The following EEF1AKMT1 variants were observed in gnomAD, a reference collection of about 807,000 sequenced individuals.
EEF1AKMT1 encodes the protein EEF1A lysine methyltransferase 1.
Under a neutral mutation model 21.0 loss-of-function variants are expected in EEF1AKMT1, and 18 were observed. The ratio of observed to expected loss-of-function variants is 0.86; its 90% confidence interval spans 0.59 to 1.27. The LOEUF is 1.27. Ranked by LOEUF, EEF1AKMT1 falls within the 50% of genes most tolerant of loss-of-function variation. The pLI, the probability that EEF1AKMT1 is intolerant of heterozygous loss-of-function variation, is 0.00. For synonymous variants in EEF1AKMT1, 109 were observed against 94.8 expected, an observed-to-expected ratio of 1.15 and a Z score of -0.87; for missense variants, 246 against 258.6, an observed-to-expected ratio of 0.95 and a Z score of 0.33.
chr13:20,771,442 T>C (rs768092608), intron 1 of EEF1AKMT1, among the ~76,000 whole-genome samples: 24 of 152,156 alleles, frequency 1.6e-4, no homozygotes, highest in Non-Finnish European at 3.2e-4. Context: ...TTGATAATCA[T>C]TTTCTACCCT....
intron 3 of EEF1AKMT1, among the ~76,000 whole-genome samples, chr13:20,737,440 A>C (rs896583541): frequency 6.6e-6 from 1 of 152,234 alleles, no homozygotes; most frequent in Admixed American, 6.5e-5. Context: ...TTAAAACTTC[A>C]AAAAGGTAAG....
At chr13:20,772,416 G>A (rs1296437370) in intron 1 of EEF1AKMT1, among the ~76,000 whole-genome samples, 3 of 152,146 alleles carry the variant, frequency 2.0e-5, no homozygotes, top group Non-Finnish European at 4.4e-5. Flanking sequence ...TTTGGTTGCC[G>A]TAAATGGGAA....
intron 4 of EEF1AKMT1, among the ~76,000 whole-genome samples, chr13:20,730,014 C>G (rs2058783243): frequency 1.3e-5 from 2 of 152,252 alleles, no homozygotes; most frequent in Non-Finnish European, 2.9e-5. Context: ...TGGGGGCCTC[C>G]TGCCCCGACT....
In EEF1AKMT1 at chr13:20,760,068, G is replaced by A. The variant is rs766205269; in HGVS notation, c.-19-2451C>T. ...TGCAGTGAGCTGAGATTGCGCCACTGCACCCCAGCCTGGGGAACAGAGCGA... is the reference window on the plus strand; with the variant it reads ...TGCAGTGAGCTGAGATTGCGCCACTACACCCCAGCCTGGGGAACAGAGCGA... On this transcript the variant is annotated intron_variant, in intron 1 of 4. Transcript: ENST00000382758. 4.9e-5 allele frequency among the ~76,000 whole-genome samples: 6 copies of A among 123,378 alleles called. No homozygotes were observed. The East Asian group carries it at 1.3e-3, about 27-fold the overall frequency. 80.9% of individuals were successfully genotyped at this position (123,378 alleles called of 152,430 possible). A position where few individuals can be genotyped will look rare whatever the true frequency, so the allele number is the denominator to read the frequency against.
intron 4 of EEF1AKMT1, among the ~76,000 whole-genome samples, chr13:20,730,872 G>C (rs1338529662): frequency 6.6e-6 from 1 of 152,176 alleles, no homozygotes; most frequent in Non-Finnish European, 1.5e-5. Flanking sequence ...TGGTGTGGAA[G>C]GTTTGTTTTT....
chr13:20,759,826 C>T (rs780647800), intron 1 of EEF1AKMT1, among the ~76,000 whole-genome samples: 6 of 152,014 alleles, frequency 3.9e-5, no homozygotes, highest in East Asian at 1.9e-4. Context: ...AAAAATAGGA[C>T]GGGCACAGTG....
At chr13:20,755,375 G>A (rs921265208) in intron 2 of EEF1AKMT1, among the ~76,000 whole-genome samples, 2 of 152,222 alleles carry the variant, frequency 1.3e-5, no homozygotes, top group African/African-American at 2.4e-5. Flanking sequence ...TCCCTATCTG[G>A]AGCAAAGCCA....
chr13:20,764,262 T>C (rs1006447828), intron 1 of EEF1AKMT1, among the ~76,000 whole-genome samples: 3 of 152,206 alleles, frequency 2.0e-5, no homozygotes, highest in African/African-American at 4.8e-5. Context: ...TTTTCACCCA[T>C]TTTCATTCAG....
chr13:20,750,429 T>A (rs1320380310), intron 2 of EEF1AKMT1, among the ~76,000 whole-genome samples: 3 of 152,162 alleles, frequency 2.0e-5, no homozygotes, highest in Admixed American at 6.5e-5. Context: ...CCTTCGCATA[T>A]AAGAACATGC....
At chr13:20,736,733 C>CTTTTTTTTTT (rs71087090) in intron 3 of EEF1AKMT1, among the ~76,000 whole-genome samples, 1 of 87,068 alleles carries the variant, frequency 1.1e-5, no homozygotes, top group African/African-American at 4.6e-5. Context: ...AACCATTTGA[C>CTTTTTTTTTT]TTTTTTTTTT....
At chr13:20,736,993 C>T in intron 3 of EEF1AKMT1, among the ~76,000 whole-genome samples, 1 of 151,636 alleles carries the variant, frequency 6.6e-6, no homozygotes, top group East Asian at 1.9e-4. Flanking sequence ...CTTGGCCTCC[C>T]AAAGTGCTGG....
chr13:20,757,585 T>C lies in EEF1AKMT1; in HGVS notation c.14A>G (p.Glu5Gly). 1 of 1,613,884 alleles carries C rather than the reference T, an allele frequency of 6.2e-7. No individual in the cohort carries two copies. The highest frequency in any genetic ancestry group is 8.5e-7 in the Non-Finnish European group (1 of 1,179,804). ...AGAAAGCTGGGGTGTCTCATCATCT[T>C]CCAAATCACTCATTTCACAAGTTGT... MSDL[E>G]DDETPQLSAH... Residue 5 changes from glutamate to glycine, a missense_variant, in exon 2 of 5, where the codon GAA becomes GGA. Physicochemically the swap from Glu to Gly is moderately conservative, Grantham distance 98. Coordinates refer to ENST00000382758, the MANE Select transcript of EEF1AKMT1 (RefSeq NM_001318939.2).
intron 2 of EEF1AKMT1, among the ~76,000 whole-genome samples, chr13:20,751,191 A>G (rs2058938186): frequency 6.6e-6 from 1 of 152,048 alleles, no homozygotes; most frequent in African/African-American, 2.4e-5. Context: ...ATAGAGTCCC[A>G]TTTGTCTATT....
In EEF1AKMT1 at chr13:20,732,119, A is replaced by T; in HGVS notation, c.230T>A (p.Ile77Asn). 1.9e-6 allele frequency: 3 copies of T among 1,605,470 alleles called. No homozygotes were observed. The highest frequency in any genetic ancestry group is 2.6e-6 in the Non-Finnish European group (3 of 1,176,118). ...AACACTAGGGGCACTCACACATGCG[A>T]TTCTAGGAGACAAAATGAACACACC... ...AIAAVGEGGR[I>N]ACVSAPSVYQ... is the part of the protein sequence containing the mutation. Residue 77 changes from isoleucine to asparagine, a missense_variant and splice_region_variant, in exon 4 of 5, where the codon ATC (isoleucine) becomes AAC (asparagine). Physicochemically the swap from Ile to Asn is moderately radical, Grantham distance 149. Transcript: ENST00000382758.
Position 20,728,782 on chromosome 13 carries a change from C to G in EEF1AKMT1, c.*298G>C, listed in dbSNP as rs553152016. The G allele has an allele frequency of 1.2e-3, 462 of 376,828 alleles. 2 individuals are homozygous for G. The highest frequency in any genetic ancestry group is 3.0e-3 in the Admixed American group (74 of 25,002). 23.3% of individuals were successfully genotyped at this position (376,828 alleles called of 1,614,324 possible). A position where few individuals can be genotyped will look rare whatever the true frequency, so the allele number is the denominator to read the frequency against. ...CCTGTCTCATTCAGGAGCCCTTGGG[C>G]AAGCCACACAACTGTTCTTCTGTTT... On this transcript the variant is annotated 3_prime_UTR_variant, in exon 5 of 5. Coordinates refer to ENST00000382758, the MANE Select transcript of EEF1AKMT1 (RefSeq NM_001318939.2).
chr13:20,759,266 G>A (rs1443556529), intron 1 of EEF1AKMT1, among the ~76,000 whole-genome samples: 1 of 152,208 alleles, frequency 6.6e-6, no homozygotes, highest in African/African-American at 2.4e-5. Flanking sequence ...CAACAAAGGA[G>A]TAATATGCAG....
chr13:20,744,063 T>G (rs1007608968), intron 2 of EEF1AKMT1, among the ~76,000 whole-genome samples: 5 of 152,330 alleles, frequency 3.3e-5, no homozygotes, highest in Admixed American at 2.0e-4. Flanking sequence ...CCATGGTATA[T>G]ATGTGCCACA....
chr13:20,760,733 A>G (rs1462040711), intron 1 of EEF1AKMT1, among the ~76,000 whole-genome samples: 2 of 152,104 alleles, frequency 1.3e-5, no homozygotes, highest in Non-Finnish European at 2.9e-5. Context: ...CTAAAAAATT[A>G]AAAAGAATAC....
chr13:20,746,216 A>G (rs191531327), intron 2 of EEF1AKMT1, among the ~76,000 whole-genome samples: 59 of 152,142 alleles, frequency 3.9e-4, no homozygotes, highest in African/African-American at 1.3e-3. Context: ...GCAATGGCAC[A>G]ATGTCGGCTC....
Sources: gnomAD v4.1 joint callset for allele counts (sites outside exome capture counted in the v4.1 genomes callset) on GRCh38, gnomAD v4.1.1 for gene constraint, MANE v1.5 for transcripts, NCBI Gene and HGNC (gene_info 2026-07-23, HGNC 2026-07-21) for gene names.